TNIK: variants seen among roughly 807,000 people sequenced by gnomAD.
The protein encoded by TNIK is TRAF2 and NCK interacting kinase, also known as TRAF2 and NCK-interacting protein kinase.
Under a neutral mutation model 191.3 loss-of-function variants are expected in TNIK, and 49 were observed. That is an observed-to-expected ratio of 0.26 (90% CI 0.20 to 0.32). TNIK has a LOEUF of 0.32. Ranked by LOEUF, TNIK falls within the 10% of genes least tolerant of loss-of-function variation. TNIK has a pLI of 1.00. For synonymous variants in TNIK, 594 were observed against 600.9 expected (o/e 0.99, Z 0.17); for missense variants, 1,155 against 1,702.3 (o/e 0.68, Z 5.66).
intron 18 of TNIK, among the ~76,000 whole-genome samples, chr3:171,114,280 T>C (rs895694834): frequency 2.6e-5 from 4 of 152,172 alleles, no homozygotes; most frequent in Non-Finnish European, 4.4e-5. Flanking sequence ...TTTAATGCCG[T>C]GAGATATTAT....
chr3:171,342,512 AAAAAAC>A (rs1352059624), intron 2 of TNIK, among the ~76,000 whole-genome samples: 1 of 152,196 alleles, frequency 6.6e-6, no homozygotes, highest in East Asian at 1.9e-4. Flanking sequence ...TCAAAAAACA[AAAAAAC>A]AAAAAAAGAG....
chr3:171,087,533 G>A, intron 23 of TNIK, 27 bp from the exon 24 acceptor site: 2 of 1,607,284 alleles, frequency 1.2e-6, no homozygotes, highest in Admixed American at 3.3e-5. Flanking sequence ...CGTGGGAGGA[G>A]TTAGAGAGGG....
intron 17 of TNIK, among the ~76,000 whole-genome samples, chr3:171,124,837 TAG>T (rs1033810115): frequency 3.3e-5 from 5 of 152,346 alleles, no homozygotes; most frequent in East Asian, 1.9e-4. Flanking sequence ...TGCGTATTTT[TAG>T]AGAGTGGACC....
intron 3 of TNIK, among the ~76,000 whole-genome samples, chr3:171,218,716 C>A (rs1460464887): frequency 4.8e-5 from 7 of 146,664 alleles, no homozygotes; most frequent in African/African-American, 1.8e-4. Context: ...TGCATTTATA[C>A]TCTACATAGA....
intron 1 of TNIK, among the ~76,000 whole-genome samples, chr3:171,445,150 C>T (rs911045267): frequency 1.3e-5 from 2 of 151,938 alleles, no homozygotes; most frequent in African/African-American, 4.8e-5. Flanking sequence ...TTGAGCGAGC[C>T]CAGGCATGGT....
chr3:171,252,320 C>T (rs182066286), intron 2 of TNIK, among the ~76,000 whole-genome samples: 1 of 152,106 alleles, frequency 6.6e-6, no homozygotes, highest in Admixed American at 6.5e-5. Context: ...GTTCCGAACA[C>T]AAGAAGTAGA....
Position 171,138,183 on chromosome 3 carries a change from T to A in TNIK, c.1608+8A>T, listed in dbSNP as rs1294417391. 1 of 1,577,060 alleles carries A rather than the reference T, an allele frequency of 6.3e-7. No individual in the cohort carries two copies. Among genetic ancestry groups the A allele is most frequent in the Non-Finnish European group, 8.6e-7 (1 of 1,165,108 alleles). ...GCCAACAGGGTGAGGCTACCCTTGC[T>A]TACTTACCTCCTTGGCCCATGCTGG... On this transcript the variant is annotated splice_region_variant and intron_variant, in intron 15 of 32. Coordinates refer to ENST00000436636, the MANE Select transcript of TNIK (RefSeq NM_015028.4).
intron 2 of TNIK, among the ~76,000 whole-genome samples, chr3:171,234,125 G>A (rs1468496952): frequency 1.3e-5 from 2 of 152,182 alleles, no homozygotes; most frequent in Non-Finnish European, 2.9e-5. Context: ...CTAAAGGTTA[G>A]TTAATATCTA....
rs180901420 is a variant in TNIK at position 171,429,236 on chromosome 3, C to A, written c.57+30771G>T. On this transcript the variant is annotated intron_variant, in intron 1 of 32. Transcript: ENST00000436636. ...CTACTTATTTTAAGGGTATCATGAT[C>A]CCCAAATAAGAACTTTCACCTCTTC... Among the ~76,000 whole-genome samples, 17 of 152,292 alleles carry A rather than the reference C, an allele frequency of 1.1e-4. No homozygotes were observed. The East Asian group carries it at 3.3e-3, about 29-fold the overall frequency.
chr3:171,194,194 G>C (rs1738384848), intron 5 of TNIK, among the ~76,000 whole-genome samples: 1 of 152,138 alleles, frequency 6.6e-6, no homozygotes, highest in Admixed American at 6.5e-5. Flanking sequence ...CATTTCCTAA[G>C]TGGAACACTG....
At chr3:171,086,923 A>AT (rs1560090218) in intron 24 of TNIK, among the ~76,000 whole-genome samples, 1 of 152,252 alleles carries the variant, frequency 6.6e-6, no homozygotes, top group African/African-American at 2.4e-5. Context: ...TAAACAAATC[A>AT]TTTAAACTTC....
At chr3:171,235,380 A>G (rs1039182521) in intron 2 of TNIK, among the ~76,000 whole-genome samples, 3 of 152,164 alleles carry the variant, frequency 2.0e-5, no homozygotes, top group African/African-American at 7.2e-5. Flanking sequence ...TGGGAGGACT[A>G]ACCCCCCTAG....
chr3:171,365,688 G>A (rs1334001739), intron 2 of TNIK, among the ~76,000 whole-genome samples: 1 of 152,172 alleles, frequency 6.6e-6, no homozygotes, highest in Admixed American at 6.5e-5. Flanking sequence ...GGGCTGAACA[G>A]CCAGCTGGCA....
At chr3:171,348,399 G>A (rs1166577728) in intron 2 of TNIK, among the ~76,000 whole-genome samples, 3 of 151,988 alleles carry the variant, frequency 2.0e-5, no homozygotes, top group Non-Finnish European at 4.4e-5. Flanking sequence ...TTTCATTTTT[G>A]TGGTTTCCAC....
intron 9 of TNIK, among the ~76,000 whole-genome samples, chr3:171,168,091 C>A (rs1042271890): frequency 2.6e-5 from 4 of 152,194 alleles, no homozygotes; most frequent in African/African-American, 9.7e-5. Context: ...CGAGAGATAC[C>A]ATACCTACGA....
At chr3:171,335,065 A>C (rs1920111) in intron 2 of TNIK, among the ~76,000 whole-genome samples, 91,295 of 150,180 alleles carry the variant, frequency 0.61, 27,898 homozygotes, top group East Asian at 0.71. Flanking sequence ...CCTGAAAACC[A>C]ATCACTAGCA....
At chr3:171,162,143 C>T (rs1270301963) in intron 10 of TNIK, among the ~76,000 whole-genome samples, 1 of 151,966 alleles carries the variant, frequency 6.6e-6, no homozygotes, top group Admixed American at 6.6e-5. Flanking sequence ...ATATAGTGGC[C>T]GGGTGCGGTG....
intron 2 of TNIK, among the ~76,000 whole-genome samples, chr3:171,326,528 A>G (rs1381288038): frequency 6.6e-6 from 1 of 152,198 alleles, no homozygotes; most frequent in Non-Finnish European, 1.5e-5. Flanking sequence ...AGCAGGTAAA[A>G]TCTATCCCAG....
chr3:171,459,978 G>A, intron 1 of TNIK, 29 bp downstream of exon 1: 4 of 1,599,280 alleles, frequency 2.5e-6, no homozygotes, highest in Non-Finnish European at 3.4e-6. Flanking sequence ...CCAAACCACT[G>A]GAAAGAAACC....
Sources: gnomAD v4.1 joint callset for allele counts (sites outside exome capture counted in the v4.1 genomes callset) on GRCh38, gnomAD v4.1.1 for gene constraint, MANE v1.5 for transcripts, NCBI Gene and HGNC (gene_info 2026-07-23, HGNC 2026-07-21) for gene names.